The following SLC24A3 variants were observed in gnomAD, a reference collection of about 807,000 sequenced individuals.
The protein encoded by SLC24A3 is solute carrier family 24 member 3, also known as sodium/potassium/calcium exchanger 3.
In SLC24A3, 28 loss-of-function variants were observed where a neutral mutation model predicts 75.8. That is an observed-to-expected ratio of 0.37 (90% CI 0.27 to 0.51). The LOEUF is 0.51. Among genes scored for constraint, SLC24A3 ranks in the 20% least tolerant of loss-of-function variants. The probability of loss-of-function intolerance (pLI) is 0.94; values close to 1 mark genes in which losing one functional copy is unlikely to be tolerated. For synonymous variants in SLC24A3, 372 were observed against 334.1 expected (o/e 1.11, Z -1.24); for missense variants, 663 against 847.8 (o/e 0.78, Z 2.71).
At position 19,585,516 on chromosome 20, in the gene SLC24A3, T is replaced by C. The variant is rs1471734620; in HGVS notation, c.584T>C (p.Ile195Thr). ...GCGGTATTCAACATCCTGTGCATCA[T>C]TGGTGTCTGTGGGCTCTTTGCTGGG... is the stretch of plus-strand genomic sequence containing the variant. Reference protein sequence around the residue: ...GSAVFNILCIIGVCGLFAGQV... With the variant: ...GSAVFNILCITGVCGLFAGQV... Residue 195 changes from isoleucine (I) to threonine (T), a missense_variant, in exon 6 of 17, where the codon ATT becomes ACT. By Grantham distance (89) the Ile-to-Thr change is moderately conservative (BLOSUM62 -1). Around this residue, in one of 2 missense-constraint regions of SLC24A3, gnomAD observed 510 missense variants for 703.6 expected, o/e 0.72. Transcript: ENST00000328041. The C allele has an allele frequency of 4.3e-6, 7 of 1,614,112 alleles. No homozygotes were observed. The highest frequency in any genetic ancestry group is 1.7e-5 in the Admixed American group (1 of 60,020).
intron 12 of SLC24A3, among the ~76,000 whole-genome samples, chr20:19,690,954 G>A (rs1438161314): frequency 6.6e-6 from 1 of 152,140 alleles, no homozygotes; most frequent in East Asian, 1.9e-4. Context: ...TCTTTGGTCT[G>A]TCTGATTAGA....
rs111867477 is a variant in SLC24A3, at chr20:19,535,126, C to A, written c.348+19562C>A. 9.0e-3 allele frequency among the ~76,000 whole-genome samples: 1,374 copies of A among 152,302 alleles called. 21 individuals carry two copies. Among genetic ancestry groups the A allele is most frequent in the South Asian group, 0.041 (200 of 4,822 alleles). Reference sequence around the variant, plus strand: ...CTTTGAGTAATGATGACTAACCATCCTCAAGGCTCATTAATTGATCTCAGC... The same window carrying A: ...CTTTGAGTAATGATGACTAACCATCATCAAGGCTCATTAATTGATCTCAGC... On this transcript the variant is annotated intron_variant, in intron 3 of 16. Transcript: ENST00000328041.
intron 1 of SLC24A3, among the ~76,000 whole-genome samples, chr20:19,223,672 C>T (rs1006199018): frequency 1.3e-5 from 2 of 151,868 alleles, no homozygotes; most frequent in South Asian, 2.1e-4. Flanking sequence ...AGAATGTGGT[C>T]GCTCCTTCTC....
At position 19,304,001 on chromosome 20, in the gene SLC24A3, A is replaced by G. The variant is rs544849774; in HGVS notation, c.271+22914A>G. Among the ~76,000 whole-genome samples, 3 of 152,244 alleles carry G rather than the reference A, an allele frequency of 2.0e-5. 1 individual carries two copies. Among genetic ancestry groups the G allele is most frequent in the African/African-American group, 7.2e-5 (3 of 41,534 alleles). Reference sequence around the variant, plus strand: ...GAGGCCATGGGTGACCTTATCTCCTAGCTTCGAGGATCCAAAACTAACAAA... The same window carrying G: ...GAGGCCATGGGTGACCTTATCTCCTGGCTTCGAGGATCCAAAACTAACAAA... On this transcript the variant is annotated intron_variant, in intron 2 of 16. Transcript: ENST00000328041.
chr20:19,639,951 C>T (rs2032054899), intron 6 of SLC24A3, among the ~76,000 whole-genome samples: 3 of 152,380 alleles, frequency 2.0e-5, no homozygotes, highest in South Asian at 4.1e-4. Flanking sequence ...CAAGACCACG[C>T]CCACCCGGAA....
chr20:19,252,266 C>T (rs7267735), intron 1 of SLC24A3, among the ~76,000 whole-genome samples: 1 of 152,088 alleles, frequency 6.6e-6, no homozygotes, highest in Non-Finnish European at 1.5e-5. Flanking sequence ...GGAGTTGCAG[C>T]CAGAATAACT....
intron 12 of SLC24A3, among the ~76,000 whole-genome samples, chr20:19,688,688 C>A (rs1031035984): frequency 1.3e-5 from 2 of 152,208 alleles, no homozygotes; most frequent in African/African-American, 4.8e-5. Context: ...GGCATGAGTA[C>A]CCTGTTTCTG....
Position 19,451,075 on chromosome 20 carries a change from C to T in SLC24A3, c.272-64413C>T, listed in dbSNP as rs185645102. On this transcript the variant is annotated intron_variant, in intron 2 of 16. Coordinates refer to ENST00000328041, the MANE Select transcript of SLC24A3 (RefSeq NM_020689.4). The stretch of plus-strand genomic sequence containing the variant: ...AATGCTCCATTATGTGACCCAGGTG[C>T]TGAGTACATGGTTGTGTTCAGTTTG... 3.2e-4 allele frequency among the ~76,000 whole-genome samples: 49 copies of T among 152,236 alleles called. No homozygotes were observed. The East Asian group carries it at 8.9e-3, about 28-fold the overall frequency.
chr20:19,441,756 G>A (rs1471402497), intron 2 of SLC24A3, among the ~76,000 whole-genome samples: 1 of 152,100 alleles, frequency 6.6e-6, no homozygotes, highest in Non-Finnish European at 1.5e-5. Context: ...AATGCATAAT[G>A]TCCTGTATCC....
At chr20:19,270,329 A>G (rs932459) in intron 1 of SLC24A3, among the ~76,000 whole-genome samples, 19,677 of 152,158 alleles carry the variant, frequency 0.13, 1,413 homozygotes, top group Non-Finnish European at 0.16. Context: ...CAAAGTGTAC[A>G]TTTTAAGAAG....
chr20:19,412,353 T>C (rs1310618090), intron 2 of SLC24A3, among the ~76,000 whole-genome samples: 4 of 152,060 alleles, frequency 2.6e-5, no homozygotes, highest in East Asian at 1.9e-4. Flanking sequence ...ATGAAGAAGA[T>C]TGTGACCATT....
chr20:19,682,233 C>A (rs2032623517), intron 10 of SLC24A3, among the ~76,000 whole-genome samples: 1 of 151,876 alleles, frequency 6.6e-6, no homozygotes, highest in African/African-American at 2.4e-5. Flanking sequence ...CCAGTCAGGA[C>A]AACAGAGCCA....
intron 2 of SLC24A3, among the ~76,000 whole-genome samples, chr20:19,463,306 G>A (rs1448875297): frequency 3.3e-5 from 5 of 152,128 alleles, no homozygotes; most frequent in African/African-American, 1.2e-4. Context: ...ACTGGGTCCA[G>A]TAATGACAGT....
intron 2 of SLC24A3, among the ~76,000 whole-genome samples, chr20:19,292,792 T>C (rs1276655885): frequency 1.3e-5 from 2 of 152,158 alleles, no homozygotes; most frequent in African/African-American, 4.8e-5. Context: ...ACGACAGAAA[T>C]TTATTTCTTA....
At chr20:19,720,959 G>T (rs768214613) in intron 16 of SLC24A3, 32 bp from the exon 17 acceptor site, 3 of 1,610,336 alleles carry the variant, frequency 1.9e-6, no homozygotes, top group African/African-American at 1.3e-5. Context: ...GCCTCCTCCT[G>T]GTGCCCTCTG....
intron 15 of SLC24A3, among the ~76,000 whole-genome samples, chr20:19,716,321 G>A (rs754452602): frequency 6.6e-6 from 1 of 151,868 alleles, no homozygotes; most frequent in Non-Finnish European, 1.5e-5. Context: ...AGCCAAGTCA[G>A]CACCCCAGTA....
chr20:19,569,948 A>G (rs2031026071), intron 3 of SLC24A3, among the ~76,000 whole-genome samples: 1 of 152,172 alleles, frequency 6.6e-6, no homozygotes, highest in South Asian at 2.1e-4. Context: ...AACCCTTTTG[A>G]GTTGGCTTCT....
At chr20:19,250,910 A>G (rs764060038) in intron 1 of SLC24A3, among the ~76,000 whole-genome samples, 1 of 152,186 alleles carries the variant, frequency 6.6e-6, no homozygotes, top group Non-Finnish European at 1.5e-5. Flanking sequence ...AGGCCTAGAC[A>G]AGTAAATTAA....
At chr20:19,664,248 T>G (rs1013974586) in intron 7 of SLC24A3, among the ~76,000 whole-genome samples, 1 of 152,106 alleles carries the variant, frequency 6.6e-6, no homozygotes, top group Non-Finnish European at 1.5e-5. Flanking sequence ...AAAAGAAAGT[T>G]GGGGGGGTTA....
Sources: allele counts gnomAD v4.1 joint callset (sites outside exome capture counted in the v4.1 genomes callset), GRCh38; gene constraint gnomAD v4.1.1; regional missense constraint gnomAD v4.1.1; transcripts MANE v1.5; gene names NCBI Gene and HGNC (gene_info 2026-07-23, HGNC 2026-07-21).